PIAS1: variants seen among roughly 807,000 people sequenced by gnomAD.
The protein encoded by PIAS1 is E3 SUMO-protein ligase PIAS1.
In PIAS1, 6 loss-of-function variants were observed where a neutral mutation model predicts 71.3. The observed-to-expected ratio is 0.08, with a 90% CI of 0.05 to 0.17. PIAS1 has a LOEUF of 0.17. PIAS1 is among the 10% of genes least tolerant of loss of function. The pLI, the probability that PIAS1 is intolerant of heterozygous loss-of-function variation, is 1.00. For synonymous variants in PIAS1, 303 were observed against 292.9 expected (o/e 1.03, Z -0.35); for missense variants, 555 against 793.6 (o/e 0.70, Z 3.61).
At chr15:68,076,081 G>A (rs1337541244) in intron 1 of PIAS1, among the ~76,000 whole-genome samples, 1 of 152,064 alleles carries the variant, frequency 6.6e-6, no homozygotes, top group East Asian at 1.9e-4. Flanking sequence ...ACCGCTCCTG[G>A]CCACCTAGGG....
intron 1 of PIAS1, chr15:68,057,697 A>G (rs1298438010): frequency 4.4e-6 from 1 of 229,686 alleles, no homozygotes; most frequent in African/African-American, 2.4e-5. Context: ...AGTACATCTG[A>G]TAGTTTATTC....
chr15:68,122,787 C>T (rs755840618), intron 2 of PIAS1, among the ~76,000 whole-genome samples: 1 of 152,016 alleles, frequency 6.6e-6, no homozygotes, highest in Non-Finnish European at 1.5e-5. Flanking sequence ...TATATATACC[C>T]AAAATACATT....
chr15:68,100,925 TC>T (rs2092418739), intron 2 of PIAS1, among the ~76,000 whole-genome samples: 1 of 151,086 alleles, frequency 6.6e-6, no homozygotes, highest in Admixed American at 6.6e-5. Flanking sequence ...AGATAAGGTC[TC>T]GCTCTGTCAC....
At chr15:68,071,157 T>C (rs2092091141) in intron 1 of PIAS1, among the ~76,000 whole-genome samples, 1 of 152,052 alleles carries the variant, frequency 6.6e-6, no homozygotes, top group African/African-American at 2.4e-5. Flanking sequence ...TGGTGCTTTC[T>C]CTTCTGCTGT....
chr15:68,102,326 C>A (rs1245119008), intron 2 of PIAS1, among the ~76,000 whole-genome samples: 1 of 152,184 alleles, frequency 6.6e-6, no homozygotes, highest in Non-Finnish European at 1.5e-5. Flanking sequence ...GTGTTTCTGT[C>A]TCCCACCATT....
At chr15:68,184,554 C>T (rs1001755892) in intron 13 of PIAS1, 22 of 152,134 alleles carry the variant, frequency 1.4e-4, no homozygotes, top group Non-Finnish European at 2.9e-4. Flanking sequence ...CTGCTAGCTC[C>T]GGGTGGTTTA....
At chr15:68,161,862 A>G (rs1454680864) in intron 7 of PIAS1, among the ~76,000 whole-genome samples, 1 of 131,522 alleles carries the variant, frequency 7.6e-6, no homozygotes, top group East Asian at 2.4e-4. Context: ...CCTGGGATGC[A>G]GAGGCTGCAG....
intron 7 of PIAS1, among the ~76,000 whole-genome samples, chr15:68,162,336 A>G (rs569793346): frequency 1.3e-5 from 2 of 152,312 alleles, no homozygotes; most frequent in Admixed American, 6.5e-5. Flanking sequence ...TAAATATGCA[A>G]AGTTCAAAGT....
At chr15:68,076,299 A>G (rs1195217084) in intron 1 of PIAS1, among the ~76,000 whole-genome samples, 3 of 152,056 alleles carry the variant, frequency 2.0e-5, no homozygotes, top group Non-Finnish European at 4.4e-5. Context: ...TCATGTCAGG[A>G]GATTGAGACC....
chr15:68,105,812 A>T (rs1379472152), intron 2 of PIAS1, among the ~76,000 whole-genome samples: 3 of 152,190 alleles, frequency 2.0e-5, no homozygotes, highest in Admixed American at 6.5e-5. Context: ...CTCTAAAAAA[A>T]ATTTTTTTTA....
intron 2 of PIAS1, among the ~76,000 whole-genome samples, chr15:68,115,434 C>G (rs138337730): frequency 2.0e-5 from 3 of 151,918 alleles, no homozygotes; most frequent in African/African-American, 2.4e-5. Flanking sequence ...TTGCTAAATT[C>G]GATTGTTCTA....
chr15:68,072,055 A>G (rs1157094879), intron 1 of PIAS1, among the ~76,000 whole-genome samples: 2 of 151,764 alleles, frequency 1.3e-5, no homozygotes, highest in Non-Finnish European at 2.9e-5. Context: ...TGTTTGCGGA[A>G]CAGCTACTAG....
chr15:68,074,472 T>G (rs2092135863), intron 1 of PIAS1, among the ~76,000 whole-genome samples: 1 of 152,202 alleles, frequency 6.6e-6, no homozygotes, highest in African/African-American at 2.4e-5. Flanking sequence ...GTAAAATAAC[T>G]TTTATTTTTA....
chr15:68,096,130 G>A (rs1318070288), intron 2 of PIAS1, among the ~76,000 whole-genome samples: 3 of 152,112 alleles, frequency 2.0e-5, no homozygotes, highest in Non-Finnish European at 4.4e-5. Flanking sequence ...GCAGTTCCTA[G>A]AATTTTATTT....
intron 2 of PIAS1, among the ~76,000 whole-genome samples, chr15:68,119,402 G>A (rs1328295597): frequency 6.6e-6 from 1 of 151,616 alleles, no homozygotes; most frequent in African/African-American, 2.4e-5. Flanking sequence ...CCAAGATCAT[G>A]CCACTGCACT....
chr15:68,062,851 AATAG>A (rs2091975865), intron 1 of PIAS1, among the ~76,000 whole-genome samples: 2 of 152,252 alleles, frequency 1.3e-5, no homozygotes, highest in Non-Finnish European at 2.9e-5. Flanking sequence ...TTTTTTTTAC[AATAG>A]ATAGTGAAGA....
At chr15:68,090,200 T>TA (rs1343544641) in intron 2 of PIAS1, among the ~76,000 whole-genome samples, 1 of 151,756 alleles carries the variant, frequency 6.6e-6, no homozygotes, top group African/African-American at 2.4e-5. Context: ...TTAATAATAA[T>TA]AATAATTATT....
At chr15:68,098,993 G>A (rs2092401152) in intron 2 of PIAS1, among the ~76,000 whole-genome samples, 3 of 152,052 alleles carry the variant, frequency 2.0e-5, no homozygotes, top group Admixed American at 2.0e-4. Context: ...TACAGGCTCT[G>A]TAAGAGACTG....
chr15:68,123,888 T>C (rs975471218), intron 2 of PIAS1, among the ~76,000 whole-genome samples: 2 of 152,168 alleles, frequency 1.3e-5, no homozygotes, highest in African/African-American at 4.8e-5. Context: ...ATTTGTACCA[T>C]GTCCAAACAT....
Sources: allele counts gnomAD v4.1 joint callset (sites outside exome capture counted in the v4.1 genomes callset), GRCh38; gene constraint gnomAD v4.1.1; transcripts MANE v1.5; gene names NCBI Gene and HGNC (gene_info 2026-07-23, HGNC 2026-07-21).